Variants in FANCD2OS observed in about 807,000 individuals in gnomAD.
The protein encoded by FANCD2OS is FANCD2 opposite strand protein.
In FANCD2OS, 11 loss-of-function variants were observed where a neutral mutation model predicts 13.2. The observed-to-expected ratio is 0.83, with a 90% CI of 0.52 to 1.38. FANCD2OS has a LOEUF of 1.38. Ranked by LOEUF, FANCD2OS falls within the 40% of genes most tolerant of loss-of-function variation. The pLI, the probability that FANCD2OS is intolerant of heterozygous loss-of-function variation, is 0.00. For missense variants in FANCD2OS, 217 were observed against 213.9 expected (o/e 1.01, Z -0.09); for synonymous variants, 69 against 84.5 (o/e 0.82, Z 1.01).
At chr3:10,085,219 C>T (rs758567168) in intron 2 of FANCD2OS, among the ~76,000 whole-genome samples, 1 of 152,016 alleles carries the variant, frequency 6.6e-6, no homozygotes, top group Non-Finnish European at 1.5e-5. Flanking sequence ...AAACCTATGG[C>T]CCAGGCGTGG....
At chr3:10,084,858 A>G (rs1370502249) in intron 2 of FANCD2OS, among the ~76,000 whole-genome samples, 2 of 152,232 alleles carry the variant, frequency 1.3e-5, no homozygotes, top group African/African-American at 2.4e-5. Flanking sequence ...GATCACAGCC[A>G]TAATACAATG....
chr3:10,091,503 G>A (rs1220201642), intron 2 of FANCD2OS, among the ~76,000 whole-genome samples: 1 of 151,746 alleles, frequency 6.6e-6, no homozygotes, highest in Non-Finnish European at 1.5e-5. Context: ...AACATATACC[G>A]GCTGTAGCTT....
chr3:10,087,318 T>C (rs1694277569), intron 2 of FANCD2OS: 2 of 1,512,952 alleles, frequency 1.3e-6, no homozygotes, highest in East Asian at 2.3e-5. Context: ...AGGACTAATA[T>C]CTCACACTTA....
Position 10,104,294 on chromosome 3 carries a change from AGAG to A in FANCD2OS, c.478_480del (p.Leu162del), listed in dbSNP as rs1250075870. 11 of 1,614,040 alleles carry A rather than the reference AGAG, an allele frequency of 6.8e-6. No homozygotes were observed. The highest frequency in any genetic ancestry group is 9.3e-6 in the Non-Finnish European group (11 of 1,179,964). ...CACTTTTTGTAAGTTGCATACAGCA[AGAG>A]GATAGAGCGCAGCATCTGTTTGCAC... On this transcript the variant is annotated inframe_deletion, in exon 2 of 2. Coordinates refer to ENST00000450660, the MANE Select transcript of FANCD2OS (RefSeq NM_001164839.2).
chr3:10,107,295 CT>C (rs112043994), intron 1 of FANCD2OS, among the ~76,000 whole-genome samples: 29,363 of 149,578 alleles, frequency 0.2, 3,190 homozygotes, highest in African/African-American at 0.3. Flanking sequence ...TTCTTTCTTT[CT>C]TTTTTTTTTG....
Position 10,095,339 on chromosome 3 carries a change from G to A in FANCD2OS, c.*43+8859C>T, listed in dbSNP as rs1488069199. 1.4e-5 allele frequency: 18 copies of A among 1,250,466 alleles called. No individual in the cohort carries two copies. In the Middle Eastern group the frequency reaches 1.7e-3, roughly 115 times the overall value. 77.5% of individuals were successfully genotyped at this position (1,250,466 alleles called of 1,614,324 possible). A position where few individuals can be genotyped will look rare whatever the true frequency, so the allele number is the denominator to read the frequency against. ...GGCTTAATCTGCAGTTGCTATTGGGGGATCCATGGGCTACCATCCTTCTTC... is the reference window on the plus strand; with the variant it reads ...GGCTTAATCTGCAGTTGCTATTGGGAGATCCATGGGCTACCATCCTTCTTC... On this transcript the variant is annotated intron_variant, in intron 2 of 2. Transcript: ENST00000524279.
downstream of FANCD2OS, among the ~76,000 whole-genome samples, chr3:10,102,330 A>G (rs1175795230): frequency 1.3e-5 from 2 of 151,268 alleles, no homozygotes; most frequent in Non-Finnish European, 2.9e-5. Flanking sequence ...TTTTTAGTAG[A>G]GACAGGGTTT....
chr3:10,084,399 C>G (rs4269070), intron 2 of FANCD2OS, among the ~76,000 whole-genome samples: 34,250 of 151,732 alleles, frequency 0.23, 4,994 homozygotes, highest in African/African-American at 0.42. Flanking sequence ...TATAAATCCT[C>G]CCACCTCAGC....
intron 1 of FANCD2OS, among the ~76,000 whole-genome samples, chr3:10,106,945 C>G (rs1182081942): frequency 6.6e-6 from 1 of 152,164 alleles, no homozygotes; most frequent in Non-Finnish European, 1.5e-5. Context: ...GACCAGAAGA[C>G]CTGCTCCTGA....
chr3:10,108,399 C>T (rs961952660), upstream of FANCD2OS, among the ~76,000 whole-genome samples: 2 of 152,186 alleles, frequency 1.3e-5, no homozygotes, highest in African/African-American at 2.4e-5. Context: ...CCACACTCCC[C>T]GCCCCCACCT....
chr3:10,085,358 G>A (rs1238291403), intron 2 of FANCD2OS, among the ~76,000 whole-genome samples: 1 of 150,738 alleles, frequency 6.6e-6, no homozygotes. Flanking sequence ...TGGTACTTCA[G>A]TACTTTCCAT....
intron 2 of FANCD2OS, among the ~76,000 whole-genome samples, chr3:10,084,572 T>C (rs982875564): frequency 6.6e-5 from 10 of 152,214 alleles, no homozygotes; most frequent in Non-Finnish European, 2.9e-5. Flanking sequence ...AGTGCTGGCA[T>C]TAGAGGCGTG....
chr3:10,086,310 A>G lies in FANCD2OS; in HGVS notation c.*44-4779T>C, dbSNP rs199996121. ...TCCCCTTGTCTTGTAGGAAGACCTT[A>G]TGTGGCTGAGGGGTAGGCAGTGGAC... is the stretch of plus-strand genomic sequence containing the variant. On this transcript the variant is annotated intron_variant, in intron 2 of 2. Transcript: ENST00000524279. Among the ~76,000 whole-genome samples the G allele has an allele frequency of 2.0e-5, 3 of 152,248 alleles. No individual in the cohort carries two copies. The East Asian group carries it at 5.8e-4, about 29-fold the overall frequency.
downstream of FANCD2OS, chr3:10,101,080 G>A: frequency 1.3e-6 from 1 of 794,730 alleles, no homozygotes; most frequent in Non-Finnish European, 2.1e-6. Context: ...AAAAAAAAAA[G>A]TTTTAACAGT....
At chr3:10,107,051 T>G (rs369043932) in intron 1 of FANCD2OS, among the ~76,000 whole-genome samples, 1 of 152,184 alleles carries the variant, frequency 6.6e-6, no homozygotes, top group East Asian at 1.9e-4. Context: ...TGTTCAAATA[T>G]CTGGGCTGCC....
chr3:10,095,878 ATTTTTTTTT>A, intron 2 of FANCD2OS, among the ~76,000 whole-genome samples: 1 of 125,780 alleles, frequency 8.0e-6, no homozygotes, highest in Non-Finnish European at 1.6e-5. Flanking sequence ...CTGAACAGTG[ATTTTTTTTT>A]TTTTTTTTTT....
Position 10,091,595 on chromosome 3 carries a change from A to G in FANCD2OS, c.*44-10064T>C, listed in dbSNP as rs563366126. ...AGGCTGCCAAGATCCACAGTATCTC[A>G]AACAGGCTGGCTTACCTCATGCCAG... On this transcript the variant is annotated intron_variant, in intron 2 of 2. Coordinates refer to the FANCD2OS transcript ENST00000524279. 2.6e-5 allele frequency among the ~76,000 whole-genome samples: 4 copies of G among 152,108 alleles called. No individual in the cohort carries two copies. The East Asian group carries it at 7.7e-4, about 29-fold the overall frequency.
chr3:10,091,820 T>C lies in FANCD2OS; in HGVS notation c.*44-10289A>G, dbSNP rs34680226. ...AGAAGAATCAGCAACTACCACCGGG[T>C]GCAGTGGCGCACGTCTGTAATCTCA... On this transcript the variant is annotated intron_variant, in intron 2 of 2. Transcript: ENST00000524279. Among the ~76,000 whole-genome samples, 1,139 of 152,024 alleles carry C rather than the reference T, an allele frequency of 7.5e-3. 18 individuals carry two copies. Among genetic ancestry groups the C allele is most frequent in the South Asian group, 0.054 (259 of 4,800 alleles).
In FANCD2OS at chr3:10,104,643, G is replaced by A. The variant is rs531155141; in HGVS notation, c.132C>T (p.Ser44=). 44 of 1,614,156 alleles carry A rather than the reference G, an allele frequency of 2.7e-5. No individual in the cohort carries two copies. The highest frequency in any genetic ancestry group is 1.6e-4 in the Middle Eastern group (1 of 6,062). ...KASPCFPHTP[S]DLEVQLCFQE... is the part of the protein sequence containing the mutation. Reference sequence around the variant, plus strand: ...GAAAGCACAGCTGCACTTCAAGGTCGGACGGTGTGTGTGGGAAGCAGGGGG... The same window carrying A: ...GAAAGCACAGCTGCACTTCAAGGTCAGACGGTGTGTGTGGGAAGCAGGGGG... Residue 44 remains serine, a synonymous_variant, in exon 2 of 2, where the codon TCC becomes TCT. Transcript: ENST00000450660.
Sources: gnomAD v4.1 joint callset for allele counts (sites outside exome capture counted in the v4.1 genomes callset) on GRCh38, gnomAD v4.1.1 for gene constraint, MANE v1.5 for transcripts, NCBI Gene and HGNC (gene_info 2026-07-23, HGNC 2026-07-21) for gene names.